The following LIPA variants were observed in gnomAD, a reference collection of about 807,000 sequenced individuals.
The protein encoded by LIPA is lysosomal acid lipase/cholesteryl ester hydrolase.
A neutral mutation model predicts 40.6 loss-of-function variants in LIPA; 26 were observed. That is an observed-to-expected ratio of 0.64 (90% CI 0.47 to 0.89). The LOEUF (loss-of-function observed/expected upper bound fraction) is 0.89. LIPA is among the 40% of genes least tolerant of loss of function. LIPA has a pLI of 0.00. For synonymous variants in LIPA, 188 were observed against 168.4 expected, an observed-to-expected ratio of 1.12 and a Z score of -0.90; for missense variants, 455 against 479.6, an observed-to-expected ratio of 0.95 and a Z score of 0.48.
At position 89,234,719 on chromosome 10, in the gene LIPA, T is replaced by C. The variant is rs186510225; in HGVS notation, c.230-6321A>G. 9.1e-4 allele frequency among the ~76,000 whole-genome samples: 138 copies of C among 152,318 alleles called. 2 individuals are homozygous for C. The East Asian group carries it at 0.022, about 24-fold the overall frequency. On this transcript the variant is annotated intron_variant, in intron 3 of 9. Transcript: ENST00000336233. ...TTAAGGATTGACTGGCAAAGGATGTTTCTCTCTGGGAAGGTAAAACCTATT... is the reference window on the plus strand; with the variant it reads ...TTAAGGATTGACTGGCAAAGGATGTCTCTCTCTGGGAAGGTAAAACCTATT...
chr10:89,354,861 C>T (rs114441420), intron 2 of LIPA, among the ~76,000 whole-genome samples: 1,560 of 152,196 alleles, frequency 0.01, 29 homozygotes, highest in African/African-American at 0.036. Flanking sequence ...CCACCATGCC[C>T]GGTGTATGTT....
At chr10:89,248,706 A>C (rs1843071949) in intron 1 of LIPA, among the ~76,000 whole-genome samples, 1 of 145,834 alleles carries the variant, frequency 6.9e-6, no homozygotes, top group African/African-American at 2.7e-5. Context: ...GATGGTCTCG[A>C]TCTCCTAACC....
At chr10:89,366,226 G>A (rs1171072472) in intron 2 of LIPA, among the ~76,000 whole-genome samples, 2 of 152,044 alleles carry the variant, frequency 1.3e-5, no homozygotes, top group East Asian at 3.8e-4. Flanking sequence ...GTGAATGGGA[G>A]TTCACTCATG....
chr10:89,296,576 T>A (rs1435429161), intron 1 of LIPA, among the ~76,000 whole-genome samples: 1 of 152,072 alleles, frequency 6.6e-6, no homozygotes, highest in Non-Finnish European at 1.5e-5. Flanking sequence ...AAGTAAGGGT[T>A]TCCAACTGGG....
intron 1 of LIPA, among the ~76,000 whole-genome samples, chr10:89,315,131 C>T (rs1843534978): frequency 1.3e-5 from 2 of 152,200 alleles, no homozygotes; most frequent in African/African-American, 4.8e-5. Flanking sequence ...GCTATTTGTT[C>T]TTTCAAAATT....
intron 3 of LIPA, among the ~76,000 whole-genome samples, chr10:89,230,378 C>T (rs1842825385): frequency 6.6e-6 from 1 of 152,194 alleles, no homozygotes; most frequent in Non-Finnish European, 1.5e-5. Flanking sequence ...GTGATCTCTG[C>T]TCACAGCAAC....
At chr10:89,259,301 A>T (rs1398405907) in intron 1 of LIPA, among the ~76,000 whole-genome samples, 3 of 152,228 alleles carry the variant, frequency 2.0e-5, no homozygotes, top group Non-Finnish European at 4.4e-5. Flanking sequence ...TAAAGAAGAT[A>T]TATGGATGAT....
At chr10:89,407,818 G>C (rs1255013915) in intron 2 of LIPA, among the ~76,000 whole-genome samples, 1 of 151,952 alleles carries the variant, frequency 6.6e-6, no homozygotes. Flanking sequence ...GACAGGCAAG[G>C]GTGCAGGTTT....
At chr10:89,369,884 C>A (rs1589624171) in intron 2 of LIPA, among the ~76,000 whole-genome samples, 1 of 152,230 alleles carries the variant, frequency 6.6e-6, no homozygotes, top group Non-Finnish European at 1.5e-5. Context: ...TCCCCACATA[C>A]AGCCAAAGGT....
chr10:89,259,180 T>G (rs917052220), intron 1 of LIPA, among the ~76,000 whole-genome samples: 4 of 152,216 alleles, frequency 2.6e-5, no homozygotes, highest in Admixed American at 1.3e-4. Context: ...TTGAATGGTA[T>G]GCAGATTGTA....
At chr10:89,378,328 T>C (rs1276686510) in intron 2 of LIPA, among the ~76,000 whole-genome samples, 4 of 152,132 alleles carry the variant, frequency 2.6e-5, no homozygotes, top group Admixed American at 6.5e-5. Flanking sequence ...TAAGACGATA[T>C]GGGCAAAGTT....
At chr10:89,301,561 A>G (rs1174651295) in intron 1 of LIPA, among the ~76,000 whole-genome samples, 1 of 152,200 alleles carries the variant, frequency 6.6e-6, no homozygotes, top group Non-Finnish European at 1.5e-5. Context: ...GCTCTTACTC[A>G]AGAGCATTTT....
intron 2 of LIPA, among the ~76,000 whole-genome samples, chr10:89,407,096 A>G (rs902373936): frequency 1.3e-5 from 2 of 152,096 alleles, no homozygotes; most frequent in African/African-American, 4.8e-5. Context: ...ACCAGCTTCC[A>G]TTATTCCTGT....
At chr10:89,340,863 T>C (rs1843860670) in intron 1 of LIPA, 1 of 152,236 alleles carries the variant, frequency 6.6e-6, no homozygotes, top group African/African-American at 2.4e-5. Context: ...TTATCTCACT[T>C]ATAGCTTCAG....
chr10:89,316,545 G>A (rs1355428730), intron 1 of LIPA, among the ~76,000 whole-genome samples: 1 of 152,234 alleles, frequency 6.6e-6, no homozygotes, highest in South Asian at 2.1e-4. Context: ...GCTGAGGCTT[G>A]AGTAGGTAAA....
At chr10:89,339,669 C>G in intron 1 of LIPA, 1 of 1,614,140 alleles carries the variant, frequency 6.2e-7, no homozygotes. Context: ...TCGCTGAGTT[C>G]CTGGAGACGG....
chr10:89,328,965 A>G (rs1328635973), intron 1 of LIPA, among the ~76,000 whole-genome samples: 1 of 152,222 alleles, frequency 6.6e-6, no homozygotes, highest in Non-Finnish European at 1.5e-5. Context: ...ATCAGACTAT[A>G]CACTGAAAAT....
chr10:89,389,800 T>C (rs1463114213), intron 2 of LIPA, among the ~76,000 whole-genome samples: 5 of 152,108 alleles, frequency 3.3e-5, no homozygotes, highest in Non-Finnish European at 2.9e-5. Context: ...AAACAAGGCA[T>C]TGAGTCGTAA....
At chr10:89,396,547 C>T (rs1294639971) in intron 2 of LIPA, among the ~76,000 whole-genome samples, 1 of 152,176 alleles carries the variant, frequency 6.6e-6, no homozygotes, top group Non-Finnish European at 1.5e-5. Context: ...TCCAGTCTCA[C>T]AAGAATGAGA....
Sources: allele counts gnomAD v4.1 joint callset (sites outside exome capture counted in the v4.1 genomes callset), GRCh38; gene constraint gnomAD v4.1.1; transcripts MANE v1.5; gene names NCBI Gene and HGNC (gene_info 2026-07-23, HGNC 2026-07-21).